ADGRL1: variants seen among roughly 807,000 people sequenced by gnomAD.
ADGRL1 encodes CIRL-1.
Under a neutral mutation model 148.9 loss-of-function variants are expected in ADGRL1, and 31 were observed. That is an observed-to-expected ratio of 0.21 (90% CI 0.16 to 0.28). The LOEUF (loss-of-function observed/expected upper bound fraction) is 0.28, where lower values mean the gene tolerates loss of function less well. Among genes scored for constraint, ADGRL1 ranks in the 10% least tolerant of loss-of-function variants. The pLI is 1.00. For synonymous variants in ADGRL1, 937 were observed against 900.3 expected (o/e 1.04, Z -0.73); for missense variants, 1,521 against 2,058.8 (o/e 0.74, Z 5.05).
In ADGRL1 at chr19:14,159,768, G is replaced by C. The variant is rs1255856989; in HGVS notation, c.1806C>G (p.His602Gln). 6.2e-7 allele frequency: 1 copy of C among 1,613,860 alleles called. No individual in the cohort carries two copies. Among genetic ancestry groups the C allele is most frequent in the Non-Finnish European group, 8.5e-7 (1 of 1,179,824 alleles). Residue 602 changes from histidine (H) to glutamine (Q), a missense_variant, in exon 9 of 23, where the codon CAC becomes CAG. Transcript: ENST00000361434. The surrounding 1 kb of genome is among the most constrained non-coding windows in gnomAD (Gnocchi z 6.0). ...ESAGKNYNKM[H>Q]KRERTCKDYI... ...AATCCTTACAAGTTCTCTCTCGCTTGTGCATCTAGAAAGAGATGGAGGTGA... is the reference window on the plus strand; with the variant it reads ...AATCCTTACAAGTTCTCTCTCGCTTCTGCATCTAGAAAGAGATGGAGGTGA...
intron 4 of ADGRL1, among the ~76,000 whole-genome samples, chr19:14,167,772 G>A (rs1970118918): frequency 6.6e-6 from 1 of 151,986 alleles, no homozygotes; most frequent in South Asian, 2.1e-4. Flanking sequence ...GAGGTGGCGG[G>A]GGTGGGGGAC....
At chr19:14,202,855 G>A (rs1972704374) in intron 1 of ADGRL1, among the ~76,000 whole-genome samples, 1 of 152,008 alleles carries the variant, frequency 6.6e-6, no homozygotes, top group South Asian at 2.1e-4. Context: ...GCACAGGAGG[G>A]ACCTTTATGA....
Position 14,159,268 on chromosome 19 carries a change from C to T in ADGRL1, c.2024-53G>A, listed in dbSNP as rs573028372. On this transcript the variant is annotated intron_variant, in intron 10 of 22. Transcript: ENST00000361434. This position sits in a 1 kb window ranked among gnomAD's most constrained non-coding sequence, Gnocchi z 6.0. ...ACACAGTTGGGGTCTGTTCCCAGTCCAGGGGCTCAGGCTGCAGAACGAGAC... is the reference window on the plus strand; with the variant it reads ...ACACAGTTGGGGTCTGTTCCCAGTCTAGGGGCTCAGGCTGCAGAACGAGAC... 6.3e-7 allele frequency: 1 copy of T among 1,598,820 alleles called. No individual in the cohort carries two copies. The highest frequency in any genetic ancestry group is 2.2e-5 in the East Asian group (1 of 44,524).
intron 2 of ADGRL1, among the ~76,000 whole-genome samples, chr19:14,179,858 G>A (rs1599476875): frequency 6.6e-6 from 1 of 152,082 alleles, no homozygotes; most frequent in African/African-American, 2.4e-5. Context: ...TGCAGTGATG[G>A]CATGCAGAGA....
chr19:14,171,325 G>A (rs1250507891), intron 3 of ADGRL1: 1 of 152,562 alleles, frequency 6.6e-6, no homozygotes, highest in African/African-American at 2.4e-5. Flanking sequence ...ACCAAGCCCA[G>A]AGGACTTGTG....
At chr19:14,158,127 G>A (rs1568574555) in intron 12 of ADGRL1, 75 bp from the exon 13 acceptor site, 11 of 1,484,950 alleles carry the variant, frequency 7.4e-6, no homozygotes, top group Admixed American at 1.7e-5. Flanking sequence ...CCCACACCTG[G>A]CAACAGGGAT....
intron 1 of ADGRL1, among the ~76,000 whole-genome samples, chr19:14,201,271 G>A (rs1403766399): frequency 6.6e-6 from 1 of 151,050 alleles, no homozygotes; most frequent in Admixed American, 6.6e-5. Flanking sequence ...TAGCCTCTGA[G>A]GGAGGGGCAC....
At position 14,159,647 on chromosome 19, in the gene ADGRL1, C is replaced by A. The variant is rs1184672380; in HGVS notation, c.1840-63G>T. 2 of 1,591,066 alleles carry A rather than the reference C, an allele frequency of 1.3e-6. No individual in the cohort carries two copies. The highest frequency in any genetic ancestry group is 2.7e-5 in the African/African-American group (2 of 74,478). On this transcript the variant is annotated intron_variant, in intron 9 of 22. Transcript: ENST00000361434. This position sits in a 1 kb window ranked among gnomAD's most constrained non-coding sequence, Gnocchi z 6.0. Reference sequence around the variant, plus strand: ...ACACCCTCTAATTCCTGGGGGTGGGCTCTGCATGCCCTCTTCTCAACCTCC... The same window carrying A: ...ACACCCTCTAATTCCTGGGGGTGGGATCTGCATGCCCTCTTCTCAACCTCC...
chr19:14,170,993 G>A lies in ADGRL1; in HGVS notation c.285-202C>T. 8 of 534,548 alleles carry A rather than the reference G, an allele frequency of 1.5e-5. No individual in the cohort carries two copies. The South Asian group carries it at 1.6e-4, about 11-fold the overall frequency. 33.1% of individuals were successfully genotyped at this position (534,548 alleles called of 1,614,324 possible). On this transcript the variant is annotated intron_variant, in intron 3 of 22. Coordinates refer to ENST00000361434, the MANE Select transcript of ADGRL1 (RefSeq NM_014921.5). ...TGTGATCTCCAGTGTTGGAGGTGGG[G>A]CCTGGTGGGAGGTGATTGGATCATG...
At position 14,162,686 on chromosome 19, in the gene ADGRL1, C is replaced by T. The variant is rs904128466; in HGVS notation, c.1115G>A (p.Arg372His). 5.6e-6 allele frequency: 9 copies of T among 1,613,920 alleles called. No homozygotes were observed. The highest frequency in any genetic ancestry group is 1.7e-5 in the Admixed American group (1 of 59,992). ...GTTCCAGACGTACAGCTGGTTGTCG[C>T]GAGGGTTGTAGTCAACGGAGGAGAT... Reference protein sequence around the residue: ...QFISSVDYNPRDNQLYVWNNY... With the variant: ...QFISSVDYNPHDNQLYVWNNY... The change falls in exon 5 of 23, where the codon CGC (arginine) becomes CAC (histidine). Residue 372 changes from arginine to histidine, a missense_variant. Arg to His is a conservative substitution (Grantham distance 29). This residue lies in a region of ADGRL1 where 270 missense variants were observed against 320.4 expected (regional missense o/e 0.84). Coordinates refer to ENST00000361434, the MANE Select transcript of ADGRL1 (RefSeq NM_014921.5). This position sits in a 1 kb window ranked among gnomAD's most constrained non-coding sequence, Gnocchi z 5.4.
At chr19:14,176,222 G>A (rs773007694) in intron 3 of ADGRL1, among the ~76,000 whole-genome samples, 3 of 151,704 alleles carry the variant, frequency 2.0e-5, no homozygotes, top group Non-Finnish European at 2.9e-5. Flanking sequence ...GTGGTGGTGC[G>A]CGCCTGTAGT....
intron 4 of ADGRL1, among the ~76,000 whole-genome samples, chr19:14,166,060 G>C (rs1969928712): frequency 6.6e-6 from 1 of 152,124 alleles, no homozygotes; most frequent in Non-Finnish European, 1.5e-5. Flanking sequence ...TTCTCTGCTA[G>C]AAATTACGGA....
At chr19:14,201,228 T>C (rs555594674) in intron 1 of ADGRL1, among the ~76,000 whole-genome samples, 7 of 150,968 alleles carry the variant, frequency 4.6e-5, no homozygotes, top group Non-Finnish European at 1.0e-4. Flanking sequence ...TCTGGCTTCC[T>C]GACCTGATCA....
chr19:14,182,087 C>G (rs1290937015), intron 2 of ADGRL1, among the ~76,000 whole-genome samples: 3 of 152,186 alleles, frequency 2.0e-5, no homozygotes, highest in African/African-American at 7.2e-5. Context: ...CCCGGCCACT[C>G]CCTGGCTGCA....
chr19:14,192,416 T>C (rs2145113602), intron 1 of ADGRL1, among the ~76,000 whole-genome samples: 1 of 152,036 alleles, frequency 6.6e-6, no homozygotes, highest in South Asian at 2.1e-4. Flanking sequence ...AATTTTTGTA[T>C]TTTTAGTAGA....
intron 3 of ADGRL1, among the ~76,000 whole-genome samples, chr19:14,175,085 C>T (rs982152030): frequency 1.3e-5 from 2 of 152,078 alleles, no homozygotes; most frequent in African/African-American, 4.8e-5. Context: ...TAAAGCGATC[C>T]CCCTGCCTCA....
chr19:14,177,767 T>A (rs1311325677), intron 2 of ADGRL1, 23 bp from the exon 3 acceptor site: 1 of 1,597,792 alleles, frequency 6.3e-7, no homozygotes, highest in Admixed American at 1.7e-5. Context: ...TTGGGGATGG[T>A]GTCACTCCTG....
chr19:14,154,922 GT>G (rs1968571162), intron 18 of ADGRL1, among the ~76,000 whole-genome samples: 4 of 152,132 alleles, frequency 2.6e-5, no homozygotes, highest in Admixed American at 2.6e-4. Flanking sequence ...CGGACTGTAT[GT>G]TTTTTTAAGA....
chr19:14,187,331 T>C lies in ADGRL1; in HGVS notation c.-95-3634A>G, dbSNP rs146728007. ...TCCAGCCTGGGCAACAGAGCCAGAC[T>C]GTCTCAAAAATAAATAAATAAAACA... On this transcript the variant is annotated intron_variant, in intron 1 of 22. Coordinates refer to ENST00000361434, the MANE Select transcript of ADGRL1 (RefSeq NM_014921.5). Among the ~76,000 whole-genome samples the C allele has an allele frequency of 8.1e-3, 1,240 of 152,196 alleles. 13 individuals carry two copies. Among genetic ancestry groups the C allele is most frequent in the African/African-American group, 0.029 (1,185 of 41,520 alleles).
Sources: gnomAD v4.1 joint callset for allele counts (sites outside exome capture counted in the v4.1 genomes callset) on GRCh38, gnomAD v4.1.1 for gene constraint, gnomAD v4.1.1 regional missense constraint, Gnocchi (gnomAD v3.1) non-coding constraint, MANE v1.5 for transcripts, NCBI Gene and HGNC (gene_info 2026-07-23, HGNC 2026-07-21) for gene names.